The following FHIT variants were observed in gnomAD, a reference collection of about 807,000 sequenced individuals.
FHIT encodes the protein fragile histidine triad diadenosine triphosphatase, also known as bis(5'-adenosyl)-triphosphatase.
FHIT carries 19 observed loss-of-function variants against 17.9 expected under a neutral mutation model. The observed-to-expected ratio is 1.06, with a 90% confidence interval of 0.74 to 1.56. The LOEUF (loss-of-function observed/expected upper bound fraction) is 1.56. Ranked by LOEUF, FHIT falls within the 40% of genes most tolerant of loss-of-function variation. FHIT has a pLI of 0.00. For missense variants in FHIT, 248 were observed against 189.2 expected (o/e 1.31, Z -1.82); for synonymous variants, 81 against 69.7 (o/e 1.16, Z -0.81).
chr3:60,435,921 G>C (rs1233557132), intron 5 of FHIT, among the ~76,000 whole-genome samples: 1 of 152,074 alleles, frequency 6.6e-6, no homozygotes, highest in African/African-American at 2.4e-5. Flanking sequence ...TTGGTTTTCT[G>C]TTCCTGCATT....
intron 5 of FHIT, among the ~76,000 whole-genome samples, chr3:60,314,307 A>G (rs1290984508): frequency 6.6e-6 from 1 of 152,174 alleles, no homozygotes; most frequent in Non-Finnish European, 1.5e-5. Flanking sequence ...CCCATAAATC[A>G]AAAGGAGTAA....
At chr3:59,813,396 C>T (rs1271611185) in intron 8 of FHIT, among the ~76,000 whole-genome samples, 2 of 152,162 alleles carry the variant, frequency 1.3e-5, no homozygotes, top group African/African-American at 4.8e-5. Context: ...CCCTCGCATT[C>T]TTTCCTGCCA....
intron 4 of FHIT, among the ~76,000 whole-genome samples, chr3:60,718,494 A>C (rs1483063456): frequency 1.3e-5 from 2 of 152,198 alleles, no homozygotes; most frequent in East Asian, 3.8e-4. Flanking sequence ...TGAAGTAGAG[A>C]CATGTATTTT....
At chr3:61,027,761 A>G (rs1371091) in intron 3 of FHIT, among the ~76,000 whole-genome samples, 44,482 of 152,126 alleles carry the variant, frequency 0.29, 7,633 homozygotes, top group African/African-American at 0.48. Flanking sequence ...GGATATAAGA[A>G]TTTGGCAAAA....
chr3:59,889,907 T>C (rs1001027359), intron 8 of FHIT, among the ~76,000 whole-genome samples: 5 of 152,214 alleles, frequency 3.3e-5, no homozygotes, highest in African/African-American at 1.2e-4. Flanking sequence ...CGAATGATAT[T>C]GTAATGAATT....
chr3:59,892,227 A>C lies in FHIT; in HGVS notation c.348+30119T>G, dbSNP rs117015232. Among the ~76,000 whole-genome samples, 22 of 152,314 alleles carry C rather than the reference A, an allele frequency of 1.4e-4. No individual in the cohort carries two copies. The East Asian group carries it at 3.5e-3, about 24-fold the overall frequency. ...CAAACAGGCAGTAAAGTTTGAGCAC[A>C]ACAAAGCGAGCTTTGAACCTCCTAA... On this transcript the variant is annotated intron_variant, in intron 8 of 9. Transcript: ENST00000492590.
At chr3:60,796,949 T>G (rs1365485745) in intron 4 of FHIT, among the ~76,000 whole-genome samples, 2 of 152,222 alleles carry the variant, frequency 1.3e-5, no homozygotes, top group Non-Finnish European at 2.9e-5. Context: ...GTACTTCAGC[T>G]TCTTGAAATT....
At chr3:60,221,354 G>C (rs148332105) in intron 5 of FHIT, among the ~76,000 whole-genome samples, 168 of 152,152 alleles carry the variant, frequency 1.1e-3, no homozygotes, top group African/African-American at 3.8e-3. Flanking sequence ...AGTACAACAG[G>C]AAGGCCAGTG....
At chr3:60,644,416 GA>G (rs1415638684) in intron 4 of FHIT, among the ~76,000 whole-genome samples, 1 of 151,984 alleles carries the variant, frequency 6.6e-6, no homozygotes, top group African/African-American at 2.4e-5. Context: ...TTATTTTACT[GA>G]AAAAAATGGT....
In FHIT at chr3:59,977,639, T is replaced by A. The variant is rs1195947577; in HGVS notation, c.279+33732A>T. Among the ~76,000 whole-genome samples, 4 of 152,206 alleles carry A rather than the reference T, an allele frequency of 2.6e-5. No homozygotes were observed. The East Asian group carries it at 7.7e-4, about 29-fold the overall frequency. On this transcript the variant is annotated intron_variant, in intron 7 of 9. Transcript: ENST00000492590. ...AGAGTCAGCCGCGTTGCAGTCATTG[T>A]TTCGTCTAACAATTAAAAGCGGAAT...
rs533124579 is a variant in FHIT, at chr3:61,160,824, T to G, written c.-164+39793A>C. The stretch of plus-strand genomic sequence containing the variant: ...GTCTTTAATGCATTTCTCTTTGGAA[T>G]GGATGAAGTTATAAAGTTGCCTTAC... On this transcript the variant is annotated intron_variant, in intron 2 of 9. Coordinates refer to ENST00000492590, the MANE Select transcript of FHIT (RefSeq NM_002012.4). Among the ~76,000 whole-genome samples, 32 of 152,360 alleles carry G rather than the reference T, an allele frequency of 2.1e-4. No individual in the cohort carries two copies. In the South Asian group the frequency reaches 6.4e-3, roughly 31 times the overall value.
intron 2 of FHIT, among the ~76,000 whole-genome samples, chr3:61,089,218 A>G (rs1559972293): frequency 6.6e-6 from 1 of 152,142 alleles, no homozygotes; most frequent in Non-Finnish European, 1.5e-5. Context: ...ATATATACAT[A>G]CTGTGGTAAG....
intron 8 of FHIT, among the ~76,000 whole-genome samples, chr3:59,807,439 G>T (rs1700246297): frequency 6.6e-6 from 1 of 152,190 alleles, no homozygotes; most frequent in South Asian, 2.1e-4. Flanking sequence ...TGGGTTAGAA[G>T]TCTGAAAGTC....
intron 4 of FHIT, among the ~76,000 whole-genome samples, chr3:60,625,894 A>G (rs1179767517): frequency 6.6e-6 from 1 of 152,182 alleles, no homozygotes; most frequent in Non-Finnish European, 1.5e-5. Flanking sequence ...TGAGGCCAAG[A>G]TTCATTTTGA....
chr3:59,780,758 GA>G (rs1187048371), intron 8 of FHIT, among the ~76,000 whole-genome samples: 1 of 152,120 alleles, frequency 6.6e-6, no homozygotes, highest in African/African-American at 2.4e-5. Context: ...CCAACACCCC[GA>G]CCATGTTAGC....
rs565347461 is a variant in FHIT at position 60,064,296 on chromosome 3, T to C, written c.104-50144A>G. 2.6e-5 allele frequency among the ~76,000 whole-genome samples: 4 copies of C among 152,334 alleles called. No individual in the cohort carries two copies. The South Asian group carries it at 8.3e-4, about 32-fold the overall frequency. On this transcript the variant is annotated intron_variant, in intron 5 of 9. Coordinates refer to ENST00000492590, the MANE Select transcript of FHIT (RefSeq NM_002012.4). ...TTATTTGATGTTTGGATTCTCAGAA[T>C]TTACTTCACTGAACTCCGAAATGGG...
At position 60,238,143 on chromosome 3, in the gene FHIT, C is replaced by CAAAA. The variant is rs5849346; in HGVS notation, c.104-223995_104-223992dup. Among the ~76,000 whole-genome samples, 36 of 111,778 alleles carry CAAAA rather than the reference C, an allele frequency of 3.2e-4. 1 individual carries two copies. The highest frequency in any genetic ancestry group is 6.1e-4 in the Non-Finnish European group (35 of 57,572). 73.3% of individuals were successfully genotyped at this position (111,778 alleles called of 152,430 possible). On this transcript the variant is annotated intron_variant, in intron 5 of 9. Coordinates refer to ENST00000492590, the MANE Select transcript of FHIT (RefSeq NM_002012.4). The stretch of plus-strand genomic sequence containing the variant: ...CCTGGCACCAAGCGAGACTCCGTCT[C>CAAAA]AAAAAAAAAAAAAAAAAAGAATTTG...
At chr3:60,875,031 G>A (rs140367288) in intron 3 of FHIT, among the ~76,000 whole-genome samples, 12 of 152,268 alleles carry the variant, frequency 7.9e-5, no homozygotes, top group African/African-American at 2.4e-4. Context: ...GGGAGCATAT[G>A]TCAGGCAACA....
chr3:60,879,552 C>A (rs922966198), intron 3 of FHIT, among the ~76,000 whole-genome samples: 3 of 152,062 alleles, frequency 2.0e-5, no homozygotes, highest in African/African-American at 7.2e-5. Context: ...CAAAATAACT[C>A]CCTAGTAACA....
Sources: allele counts gnomAD v4.1 joint callset (sites outside exome capture counted in the v4.1 genomes callset), GRCh38; gene constraint gnomAD v4.1.1; transcripts MANE v1.5; gene names NCBI Gene and HGNC (gene_info 2026-07-23, HGNC 2026-07-21).